Variants in STK32B observed in about 807,000 individuals in gnomAD.
STK32B encodes the protein serine/threonine-protein kinase 32B.
A neutral mutation model predicts 52.6 loss-of-function variants in STK32B; 43 were observed. That is an observed-to-expected ratio of 0.82 (90% CI 0.64 to 1.05). STK32B has a LOEUF of 1.05. STK32B is among the 50% of genes least tolerant of loss of function. STK32B has a pLI of 0.00. For missense variants in STK32B, 621 were observed against 534.6 expected (o/e 1.16, Z -1.59); for synonymous variants, 238 against 204.3 (o/e 1.17, Z -1.41).
chr4:5,362,711 C>A (rs895731434), intron 4 of STK32B, among the ~76,000 whole-genome samples: 1 of 152,174 alleles, frequency 6.6e-6, no homozygotes, highest in Non-Finnish European at 1.5e-5. Flanking sequence ...AGATGCATTT[C>A]TTCCAGAGGC....
chr4:5,076,642 C>T (rs1232219470), intron 1 of STK32B, among the ~76,000 whole-genome samples: 2 of 152,104 alleles, frequency 1.3e-5, no homozygotes, highest in African/African-American at 2.4e-5. Context: ...ATCTGCATTT[C>T]GCATCTTTTC....
intron 1 of STK32B, among the ~76,000 whole-genome samples, chr4:5,055,308 G>A (rs926908558): frequency 1.3e-5 from 2 of 148,932 alleles, no homozygotes; most frequent in Admixed American, 6.7e-5. Context: ...TCTGTTGCCC[G>A]AGCTCACAAA....
intron 11 of STK32B, among the ~76,000 whole-genome samples, chr4:5,493,365 G>A (rs1166138256): frequency 1.3e-4 from 20 of 152,206 alleles, no homozygotes; most frequent in South Asian, 4.2e-4. Context: ...GTTTATTTGC[G>A]TAGAGGTGTT....
intron 11 of STK32B, among the ~76,000 whole-genome samples, chr4:5,468,941 T>C (rs1717645937): frequency 6.6e-6 from 1 of 151,724 alleles, no homozygotes; most frequent in African/African-American, 2.4e-5. Flanking sequence ...TCCCAGCTAC[T>C]CGGGAGGCTG....
At chr4:5,078,425 T>C (rs1712213542) in intron 1 of STK32B, among the ~76,000 whole-genome samples, 1 of 152,034 alleles carries the variant, frequency 6.6e-6, no homozygotes, top group South Asian at 2.1e-4. Context: ...TGACATGATA[T>C]GAAAAGAGGA....
At chr4:5,377,568 C>T (rs529284576) in intron 4 of STK32B, among the ~76,000 whole-genome samples, 15 of 152,304 alleles carry the variant, frequency 9.8e-5, no homozygotes, top group African/African-American at 2.2e-4. Flanking sequence ...TGATATGGTT[C>T]GCCTCTATGT....
chr4:5,171,366 A>T (rs1185531976), intron 3 of STK32B, among the ~76,000 whole-genome samples: 1 of 151,590 alleles, frequency 6.6e-6, no homozygotes, highest in African/African-American at 2.4e-5. Flanking sequence ...GGTGTTTTAG[A>T]CATGAAGTCC....
chr4:5,440,760 T>C (rs1332379633), intron 6 of STK32B, among the ~76,000 whole-genome samples: 6 of 152,286 alleles, frequency 3.9e-5, no homozygotes, highest in African/African-American at 1.2e-4. Context: ...ATAGCTCTTA[T>C]TATTTTGAAA....
At chr4:5,385,557 G>A (rs1577426729) in intron 4 of STK32B, among the ~76,000 whole-genome samples, 7 of 152,014 alleles carry the variant, frequency 4.6e-5, no homozygotes, top group East Asian at 1.9e-4. Context: ...GGCATGCTCC[G>A]GCAAGATTAC....
At chr4:5,465,162 C>T (rs1485813561) in intron 9 of STK32B, among the ~76,000 whole-genome samples, 1 of 152,178 alleles carries the variant, frequency 6.6e-6, no homozygotes, top group African/African-American at 2.4e-5. Flanking sequence ...TAGGACTCCA[C>T]TCCATTAGCC....
In STK32B at chr4:5,139,980, G is replaced by A; in HGVS notation, c.108+20G>A. The A allele has an allele frequency of 6.2e-7, 1 of 1,613,994 alleles. No individual in the cohort carries two copies. The highest frequency in any genetic ancestry group is 8.5e-7 in the Non-Finnish European group (1 of 1,179,900). ...GGAAAGGTAAGAATATAAATGTCTGGACCACTGGGCTTAAGTATGTGTGTA... is the reference window on the plus strand; with the variant it reads ...GGAAAGGTAAGAATATAAATGTCTGAACCACTGGGCTTAAGTATGTGTGTA... On this transcript the variant is annotated intron_variant, in intron 2 of 11. Coordinates refer to ENST00000282908, the MANE Select transcript of STK32B (RefSeq NM_018401.3).
At chr4:5,175,470 G>C (rs1719786768) in intron 3 of STK32B, among the ~76,000 whole-genome samples, 1 of 152,178 alleles carries the variant, frequency 6.6e-6, no homozygotes, top group South Asian at 2.1e-4. Flanking sequence ...GTGATGTACA[G>C]ATGGGTTTTT....
intron 3 of STK32B, among the ~76,000 whole-genome samples, chr4:5,305,561 T>G (rs1383026111): frequency 6.6e-6 from 1 of 152,108 alleles, no homozygotes; most frequent in African/African-American, 2.4e-5. Flanking sequence ...TCCCATTTCG[T>G]TTCTAATTGA....
At chr4:5,474,933 C>A (rs369724325) in intron 11 of STK32B, among the ~76,000 whole-genome samples, 1 of 152,124 alleles carries the variant, frequency 6.6e-6, no homozygotes, top group Non-Finnish European at 1.5e-5. Flanking sequence ...CAAGGCAGGG[C>A]CGAGCTTCCT....
At chr4:5,441,114 C>A (rs13123348) in intron 6 of STK32B, among the ~76,000 whole-genome samples, 12,312 of 147,104 alleles carry the variant, frequency 0.084, 663 homozygotes, top group East Asian at 0.36. Context: ...ATGATGCTGG[C>A]CTCATAAAAT....
intron 3 of STK32B, among the ~76,000 whole-genome samples, chr4:5,329,252 G>T (rs997300478): frequency 6.6e-6 from 1 of 152,032 alleles, no homozygotes; most frequent in South Asian, 2.1e-4. Flanking sequence ...ATTCCATCCC[G>T]TGAGGTTTGT....
chr4:5,205,723 T>C (rs952433847), intron 3 of STK32B, among the ~76,000 whole-genome samples: 3 of 151,250 alleles, frequency 2.0e-5, no homozygotes, highest in African/African-American at 7.3e-5. Context: ...TGTGTGTGTG[T>C]GTGTGTGTGC....
chr4:5,080,399 C>T (rs1266574114), intron 1 of STK32B, among the ~76,000 whole-genome samples: 1 of 152,142 alleles, frequency 6.6e-6, no homozygotes, highest in Non-Finnish European at 1.5e-5. Flanking sequence ...GCACTTGCTG[C>T]TCCTCCACCT....
At chr4:5,200,794 T>C (rs976430064) in intron 3 of STK32B, among the ~76,000 whole-genome samples, 1 of 152,140 alleles carries the variant, frequency 6.6e-6, no homozygotes, top group Non-Finnish European at 1.5e-5. Context: ...ATCACATCAA[T>C]GGGGAAGCCT....
Sources: gnomAD v4.1 joint callset for allele counts (sites outside exome capture counted in the v4.1 genomes callset) on GRCh38, gnomAD v4.1.1 for gene constraint, MANE v1.5 for transcripts, NCBI Gene and HGNC (gene_info 2026-07-23, HGNC 2026-07-21) for gene names.